The following CALN1 variants were observed in gnomAD, a reference collection of about 807,000 sequenced individuals.
CALN1 encodes the protein calcium-binding protein 8.
Under a neutral mutation model 30.6 loss-of-function variants are expected in CALN1, and 17 were observed. That is an observed-to-expected ratio of 0.56 (90% CI 0.38 to 0.83). The LOEUF is 0.83. CALN1 is among the 40% of genes least tolerant of loss of function. CALN1 has a pLI of 0.00. For synonymous variants in CALN1, 156 were observed against 131.4 expected (o/e 1.19, Z -1.28); for missense variants, 291 against 354.9 (o/e 0.82, Z 1.45).
chr7:72,090,812 CA>C (rs1274445094), intron 4 of CALN1, among the ~76,000 whole-genome samples: 3 of 152,090 alleles, frequency 2.0e-5, no homozygotes, highest in African/African-American at 7.2e-5. Context: ...TTAAGTGAAA[CA>C]AGCCAAGTGC....
chr7:71,828,835 G>A (rs1021970897), intron 5 of CALN1, among the ~76,000 whole-genome samples: 11 of 151,568 alleles, frequency 7.3e-5, no homozygotes, highest in African/African-American at 2.2e-4. Flanking sequence ...GGCAACCTCC[G>A]CCTTCCAGGT....
intron 5 of CALN1, among the ~76,000 whole-genome samples, chr7:71,975,792 T>C (rs1798072679): frequency 6.6e-6 from 1 of 151,184 alleles, no homozygotes. Context: ...TGAAGACCCA[T>C]GCCCCTTAAT....
In CALN1 at chr7:72,403,411, A is replaced by C; in HGVS notation, c.-42T>G. ...TGTTCTCAGAGAGAGTTAGAAGCTC[A>C]TCAAAGGAACGTCAGCGAAGGCACT... On this transcript the variant is annotated 5_prime_UTR_variant, in exon 2 of 7. The change abolishes an upstream ATG in the 5' untranslated region. Coordinates refer to ENST00000395275, the MANE Select transcript of CALN1 (RefSeq NM_031468.4). 1 of 1,485,100 alleles carries C rather than the reference A, an allele frequency of 6.7e-7. No homozygotes were observed. The highest frequency in any genetic ancestry group is 1.4e-5 in the African/African-American group (1 of 71,678). The allele number at this position is 1,485,100 out of a possible 1,614,324, so 92.0% of individuals were successfully genotyped here. A position where few individuals can be genotyped will look rare whatever the true frequency, so the allele number is the denominator to read the frequency against.
At chr7:72,453,583 CATT>C in the CALN1 span, among the ~76,000 whole-genome samples, 1 of 152,364 alleles carries the variant, frequency 6.6e-6, no homozygotes, top group African/African-American at 2.4e-5. Context: ...CCTACTATCT[CATT>C]AGCTACTCTT....
chr7:72,268,793 C>CCACACACACAAACACA (rs56386718), intron 3 of CALN1, among the ~76,000 whole-genome samples: 23,440 of 145,752 alleles, frequency 0.16, 2,252 homozygotes, highest in South Asian at 0.3. Context: ...CAAGACCCTG[C>CCACACACACAAACACA]CACACACACA....
At chr7:72,143,951 G>T (rs577365635) in intron 3 of CALN1, among the ~76,000 whole-genome samples, 1 of 152,300 alleles carries the variant, frequency 6.6e-6, no homozygotes, top group Non-Finnish European at 1.5e-5. Context: ...CACCAGGCCT[G>T]CCCTACAAGA....
Position 72,273,516 on chromosome 7 carries a change from TTTTTC to T in CALN1, c.244+5165_244+5169del, listed in dbSNP as rs775533071. ...AGGCAAGATTCTTTTTTTTTTTTTTTTTTTCTTCCCCCTAGAGACAGGGTCTTTCT... is the reference window on the plus strand; with the variant it reads ...AGGCAAGATTCTTTTTTTTTTTTTTTTTCCCCCTAGAGACAGGGTCTTTCT... On this transcript the variant is annotated intron_variant, in intron 3 of 6. Transcript: ENST00000395275. Among the ~76,000 whole-genome samples, 36 of 94,644 alleles carry T rather than the reference TTTTTC, an allele frequency of 3.8e-4. No homozygotes were observed. In the East Asian group the frequency reaches 7.3e-3, roughly 19 times the overall value. The allele number at this position is 94,644 out of a possible 152,430, so 62.1% of individuals were successfully genotyped here. A position where few individuals can be genotyped will look rare whatever the true frequency, so the allele number is the denominator to read the frequency against.
intron 3 of CALN1, among the ~76,000 whole-genome samples, chr7:72,254,759 T>C (rs1795799835): frequency 6.6e-6 from 1 of 151,980 alleles, no homozygotes; most frequent in Admixed American, 6.6e-5. Flanking sequence ...TACATAAATA[T>C]TCTTTTTCTT....
chr7:72,029,224 T>C (rs1353387564), intron 4 of CALN1, among the ~76,000 whole-genome samples: 6 of 151,994 alleles, frequency 3.9e-5, no homozygotes, highest in African/African-American at 1.4e-4. Context: ...CCTCCCGGGT[T>C]CACGCCATTC....
At chr7:72,026,966 C>T (rs372438990) in intron 4 of CALN1, among the ~76,000 whole-genome samples, 105 of 152,286 alleles carry the variant, frequency 6.9e-4, no homozygotes, top group African/African-American at 2.4e-3. Flanking sequence ...AAATCACCTC[C>T]ACTAGTCACA....
chr7:72,209,915 G>A (rs1452491425), intron 3 of CALN1, among the ~76,000 whole-genome samples: 1 of 152,006 alleles, frequency 6.6e-6, no homozygotes, highest in Non-Finnish European at 1.5e-5. Context: ...CAATATCCTT[G>A]GTACACTTTT....
At chr7:72,213,873 C>A (rs530919815) in intron 3 of CALN1, among the ~76,000 whole-genome samples, 1 of 152,170 alleles carries the variant, frequency 6.6e-6, no homozygotes, top group African/African-American at 2.4e-5. Flanking sequence ...TAGCTTCTTG[C>A]ATTTCAGGGG....
intron 3 of CALN1, among the ~76,000 whole-genome samples, chr7:72,131,291 T>C (rs1809129180): frequency 6.6e-6 from 1 of 152,152 alleles, no homozygotes; most frequent in African/African-American, 2.4e-5. Flanking sequence ...TGAATGGTAA[T>C]TGGATTCAAG....
intron 3 of CALN1, among the ~76,000 whole-genome samples, chr7:72,195,724 A>G (rs1249238324): frequency 6.6e-6 from 1 of 152,190 alleles, no homozygotes; most frequent in East Asian, 1.9e-4. Context: ...TGGCTAACAC[A>G]GCACTTAACA....
chr7:72,194,373 A>C (rs1790836525), intron 3 of CALN1, among the ~76,000 whole-genome samples: 3 of 152,060 alleles, frequency 2.0e-5, no homozygotes, highest in Admixed American at 2.0e-4. Flanking sequence ...TCTACTAAAA[A>C]TACAAAATTA....
intron 2 of CALN1, among the ~76,000 whole-genome samples, chr7:72,344,642 ATAT>A (rs1802533999): frequency 8.2e-6 from 1 of 122,196 alleles, no homozygotes; most frequent in Admixed American, 9.2e-5. Flanking sequence ...ATATATATTT[ATAT>A]TTTTTTATTT....
At chr7:72,377,886 T>C (rs1010696833) in intron 2 of CALN1, among the ~76,000 whole-genome samples, 6 of 152,186 alleles carry the variant, frequency 3.9e-5, no homozygotes, top group African/African-American at 1.4e-4. Flanking sequence ...AGGTCCTTCC[T>C]GGGCATACTC....
chr7:72,079,345 T>C (rs1804961101), intron 4 of CALN1, among the ~76,000 whole-genome samples: 1 of 152,164 alleles, frequency 6.6e-6, no homozygotes, highest in Non-Finnish European at 1.5e-5. Context: ...GAGGAGTCTA[T>C]TCCCACTAGA....
intron 2 of CALN1, among the ~76,000 whole-genome samples, chr7:72,316,344 A>C (rs1800445365): frequency 6.6e-6 from 1 of 151,512 alleles, no homozygotes; most frequent in South Asian, 2.1e-4. Context: ...TTGCCATTGA[A>C]AGTAACGGCA....
Sources: allele counts gnomAD v4.1 joint callset (sites outside exome capture counted in the v4.1 genomes callset), GRCh38; gene constraint gnomAD v4.1.1; transcripts MANE v1.5; gene names NCBI Gene and HGNC (gene_info 2026-07-23, HGNC 2026-07-21).